The following CEMIP2 variants were observed in gnomAD, a reference collection of about 807,000 sequenced individuals.
CEMIP2 encodes cell surface hyaluronidase CEMIP2.
In CEMIP2, 79 loss-of-function variants were observed where a neutral mutation model predicts 146.9. The observed-to-expected ratio is 0.54, with a 90% confidence interval of 0.45 to 0.65. The LOEUF is 0.65. CEMIP2 is among the 30% of genes least tolerant of loss of function. The pLI is 0.00. For synonymous variants in CEMIP2, 601 were observed against 606.3 expected, an observed-to-expected ratio of 0.99 and a Z score of 0.13; for missense variants, 1,596 against 1,696.2, an observed-to-expected ratio of 0.94 and a Z score of 1.04.
rs1822189130 is a variant in CEMIP2, at chr9:71,690,233, T to G, written c.3710A>C (p.Asp1237Ala). Residue 1237 changes from aspartate (D) to alanine (A), a missense_variant, in exon 22 of 24, where the codon GAC becomes GCC. Physicochemically the swap from Asp to Ala is moderately radical, Grantham distance 126 (BLOSUM62 -2). Transcript: ENST00000377044. ...DPSVISVNGT[D>A]FTFRSAGVLL... Reference sequence around the variant, plus strand: ...GACGCCTGCACTTCGGAAGGTAAAGTCAGTGCCATTGACCTGAGAATGCAA... The same window carrying G: ...GACGCCTGCACTTCGGAAGGTAAAGGCAGTGCCATTGACCTGAGAATGCAA... 6.2e-7 allele frequency: 1 copy of G among 1,614,002 alleles called. No homozygotes were observed. The highest frequency in any genetic ancestry group is 8.5e-7 in the Non-Finnish European group (1 of 1,179,902).
In CEMIP2 at chr9:71,697,972, C is replaced by A. The variant is rs895327454; in HGVS notation, c.3597+13G>T. 1.2e-6 allele frequency: 2 copies of A among 1,610,882 alleles called. No homozygotes were observed. Among genetic ancestry groups the A allele is most frequent in the African/African-American group, 2.7e-5 (2 of 74,880 alleles). ...TTCTCCTTGGCCACAGACCACTTTT[C>A]ATCCTTGTTTACCTGCCGAGTGCCA... On this transcript the variant is annotated intron_variant, in intron 20 of 23. Transcript: ENST00000377044.
At chr9:71,749,960 G>C in intron 2 of CEMIP2, 83 bp downstream of exon 2, 1 of 1,291,660 alleles carries the variant, frequency 7.7e-7, no homozygotes, top group Non-Finnish European at 1.0e-6. Context: ...GCCAACTTAA[G>C]ATAAATTTTT....
At chr9:71,755,982 A>C (rs911846074) in intron 1 of CEMIP2, among the ~76,000 whole-genome samples, 11 of 138,734 alleles carry the variant, frequency 7.9e-5, no homozygotes, top group Non-Finnish European at 1.1e-4. Flanking sequence ...AAAAAAAAAA[A>C]AAAAAAAACC....
At position 71,704,655 on chromosome 9, in the gene CEMIP2, G is replaced by A. The variant is rs781504360; in HGVS notation, c.3134C>T (p.Thr1045Ile). The A allele has an allele frequency of 6.2e-7, 1 of 1,614,116 alleles. No individual in the cohort carries two copies. The highest frequency in any genetic ancestry group is 1.1e-5 in the South Asian group (1 of 91,072). The change falls in exon 18 of 24, where the codon ACC becomes ATC. Residue 1045 changes from threonine to isoleucine, a missense_variant. Physicochemically the swap from Thr to Ile is moderately conservative, Grantham distance 89. Transcript: ENST00000377044. ...QPVVMLEKGY[T>I]IHWNGPAPRT... ...TGGTGCCGGCCCATTCCAGTGGATG[G>A]TATAACCCTTCTCCAGCATGACGAC... is the stretch of plus-strand genomic sequence containing the variant.
intron 21 of CEMIP2, among the ~76,000 whole-genome samples, chr9:71,692,403 G>A (rs137856377): frequency 9.6e-4 from 106 of 110,536 alleles, no homozygotes; most frequent in African/African-American, 4.6e-3. Flanking sequence ...CTATTACCTA[G>A]TAAACTACTA....
intron 17 of CEMIP2, among the ~76,000 whole-genome samples, chr9:71,705,098 G>A (rs1455599446): frequency 6.6e-6 from 1 of 151,780 alleles, no homozygotes; most frequent in Non-Finnish European, 1.5e-5. Context: ...TATACAGCTT[G>A]TCAAAGAAAT....
intron 10 of CEMIP2, among the ~76,000 whole-genome samples, chr9:71,729,446 C>T (rs186858159): frequency 8.2e-4 from 124 of 151,846 alleles, no homozygotes; most frequent in African/African-American, 2.8e-3. Context: ...GGTGAAACCC[C>T]GTCTCTACTA....
At chr9:71,691,434 ATAAAT>A (rs1589125217) in intron 21 of CEMIP2, among the ~76,000 whole-genome samples, 2 of 150,704 alleles carry the variant, frequency 1.3e-5, no homozygotes, top group African/African-American at 2.5e-5. Context: ...AAAAAAATAA[ATAAAT>A]AAAAAAGCCC....
At chr9:71,726,450 T>C (rs1056285399) in intron 10 of CEMIP2, among the ~76,000 whole-genome samples, 13 of 151,560 alleles carry the variant, frequency 8.6e-5, no homozygotes, top group African/African-American at 3.1e-4. Context: ...TTAAATAGTT[T>C]GTTAAAACTT....
At chr9:71,720,958 G>A (rs1389453837) in intron 12 of CEMIP2, among the ~76,000 whole-genome samples, 1 of 151,966 alleles carries the variant, frequency 6.6e-6, no homozygotes, top group Non-Finnish European at 1.5e-5. Context: ...AACTACTTAA[G>A]CCATTATGAG....
In CEMIP2 at chr9:71,768,369, C is replaced by G. The variant is rs1488706929; in HGVS notation, c.-25G>C. Reference sequence around the variant, plus strand: ...AGTCGCTTCTTACCTTCCCCTACCCCGCTTAGCGTCCGTTAACTCAGGTGC... The same window carrying G: ...AGTCGCTTCTTACCTTCCCCTACCCGGCTTAGCGTCCGTTAACTCAGGTGC... On this transcript the variant is annotated 5_prime_UTR_variant, in exon 1 of 24. Coordinates refer to ENST00000377044, the MANE Select transcript of CEMIP2 (RefSeq NM_013390.3). The G allele has an allele frequency of 1.3e-5, 2 of 152,168 alleles. No individual in the cohort carries two copies. The highest frequency in any genetic ancestry group is 1.3e-4 in the Admixed American group (2 of 15,282). 9.4% of individuals were successfully genotyped at this position (152,168 alleles called of 1,614,324 possible).
In CEMIP2 at chr9:71,700,645, G is replaced by A. The variant is rs142154818; in HGVS notation, c.3374C>T (p.Thr1125Met). Residue 1125 changes from threonine (T) to methionine (M), a missense_variant, in exon 19 of 24, where the codon ACG (threonine) becomes ATG (methionine). Thr to Met is a moderately conservative substitution (Grantham distance 81). Transcript: ENST00000377044. ...SERKFYFDSSTGLLFLYLKAK... is the reference protein window; with the variant it reads ...SERKFYFDSSMGLLFLYLKAK... Reference sequence around the variant, plus strand: ...TTCCCTGGTTTCACTGAATTACCCCGTGCTGGAGTCAAAATAGAATTTCCT... The same window carrying A: ...TTCCCTGGTTTCACTGAATTACCCCATGCTGGAGTCAAAATAGAATTTCCT... 3.6e-4 allele frequency: 571 copies of A among 1,596,968 alleles called. 2 individuals are homozygous for A. In the East Asian group the frequency reaches 0.011, roughly 32 times the overall value.
At chr9:71,696,356 A>C (rs1171051004) in intron 20 of CEMIP2, among the ~76,000 whole-genome samples, 1 of 152,024 alleles carries the variant, frequency 6.6e-6, no homozygotes, top group East Asian at 1.9e-4. Flanking sequence ...TTTCATATAC[A>C]GGGTTGTTTT....
At chr9:71,695,343 A>C (rs917345574) in intron 20 of CEMIP2, among the ~76,000 whole-genome samples, 1 of 152,180 alleles carries the variant, frequency 6.6e-6, no homozygotes, top group African/African-American at 2.4e-5. Context: ...TTAGAGGTAC[A>C]CTGTCCATAT....
Position 71,709,404 on chromosome 9 carries a change from T to C in CEMIP2, c.2840A>G (p.Asn947Ser). ...FEDCEMDGDK[N>S]SIFHDIDGSV... is the part of the protein sequence containing the mutation. The stretch of plus-strand genomic sequence containing the variant: ...GCCATCAATGTCATGGAATATGGAG[T>C]TCTTATCACCATCCATCTCACAATC... Residue 947 changes from asparagine to serine, a missense_variant, in exon 17 of 24, where the codon AAC (asparagine) becomes AGC (serine). Coordinates refer to ENST00000377044, the MANE Select transcript of CEMIP2 (RefSeq NM_013390.3). 2.5e-6 allele frequency: 4 copies of C among 1,614,112 alleles called. No homozygotes were observed. Among genetic ancestry groups the C allele is most frequent in the Non-Finnish European group, 2.5e-6 (3 of 1,180,000 alleles).
intron 10 of CEMIP2, among the ~76,000 whole-genome samples, chr9:71,728,275 A>ATGTATATATATATATACG (rs1823482080): frequency 1.6e-4 from 2 of 12,716 alleles, no homozygotes; most frequent in Non-Finnish European, 1.9e-4. Flanking sequence ...ATATATATAT[A>ATGTATATATATATATACG]TATATGTATA....
chr9:71,733,914 G>T (rs1823690029), intron 6 of CEMIP2, among the ~76,000 whole-genome samples: 1 of 151,902 alleles, frequency 6.6e-6, no homozygotes, highest in Non-Finnish European at 1.5e-5. Context: ...CATGATCTCA[G>T]CTCACTGCGA....
At chr9:71,763,437 T>C (rs1824698243) in intron 1 of CEMIP2, among the ~76,000 whole-genome samples, 1 of 152,232 alleles carries the variant, frequency 6.6e-6, no homozygotes, top group Non-Finnish European at 1.5e-5. Flanking sequence ...AATTCTTTTC[T>C]CATGGGCTCA....
intron 20 of CEMIP2, 34 bp from the exon 21 acceptor site, chr9:71,694,641 C>T (rs2131864334): frequency 2.1e-6 from 3 of 1,395,938 alleles, no homozygotes; most frequent in East Asian, 4.6e-5. Flanking sequence ...TTTATGGCAA[C>T]TCTTACCTTC....
Sources: gnomAD v4.1 joint callset for allele counts (sites outside exome capture counted in the v4.1 genomes callset) on GRCh38, gnomAD v4.1.1 for gene constraint, MANE v1.5 for transcripts, NCBI Gene and HGNC (gene_info 2026-07-23, HGNC 2026-07-21) for gene names.